UTP20: variants seen among roughly 807,000 people sequenced by gnomAD.
The protein encoded by UTP20 is small subunit processome component 20 homolog.
Under a neutral mutation model 329.5 loss-of-function variants are expected in UTP20, and 164 were observed. The ratio of observed to expected loss-of-function variants is 0.50; its 90% CI spans 0.44 to 0.57. UTP20 has a LOEUF of 0.57. Ranked by LOEUF, UTP20 falls within the 20% of genes least tolerant of loss-of-function variation. The pLI, the probability that UTP20 is intolerant of heterozygous loss-of-function variation, is 0.00. For synonymous variants in UTP20, 1,151 were observed against 1,159.3 expected (o/e 0.99, Z 0.14); for missense variants, 3,055 against 3,284.2 (o/e 0.93, Z 1.71).
intron 56 of UTP20, among the ~76,000 whole-genome samples, chr12:101,378,348 A>G (rs908129347): frequency 1.3e-5 from 2 of 149,610 alleles, no homozygotes; most frequent in African/African-American, 2.6e-5. Flanking sequence ...ATAGCTTTAC[A>G]GGCAGCTACT....
intron 16 of UTP20, 64 bp downstream of exon 16, chr12:101,306,129 T>G: frequency 6.8e-7 from 1 of 1,460,926 alleles, no homozygotes; most frequent in South Asian, 1.5e-5. Context: ...TGGACTGCAG[T>G]GGTTTTCAGA....
intron 11 of UTP20, among the ~76,000 whole-genome samples, chr12:101,294,541 C>CTTTTTTTTTTTTTT (rs1211436109): frequency 7.7e-6 from 1 of 129,300 alleles, no homozygotes; most frequent in African/African-American, 2.9e-5. Context: ...TCTCGTTTTT[C>CTTTTTTTTTTTTTT]TTTTTTTTTT....
chr12:101,354,839 T>C lies in UTP20; in HGVS notation c.5115T>C (p.Ile1705=). The change falls in exon 41 of 62, where the codon ATT becomes ATC. Residue 1705 remains isoleucine, a synonymous_variant. Transcript: ENST00000261637. ...MGKIENEENA[I]EAIELPEPEA... ...GTTGTTTATTAAACATAGACGCAATTGAAGCAATTGAGTTACCAGAGCCTG... is the reference window on the plus strand; with the variant it reads ...GTTGTTTATTAAACATAGACGCAATCGAAGCAATTGAGTTACCAGAGCCTG... 1 of 1,612,750 alleles carries C rather than the reference T, an allele frequency of 6.2e-7. No homozygotes were observed.
chr12:101,321,685 G>A (rs1158849548), intron 25 of UTP20, 56 bp downstream of exon 25: 1 of 1,583,014 alleles, frequency 6.3e-7, no homozygotes, highest in Non-Finnish European at 8.6e-7. Context: ...ACACAATTGT[G>A]AGTACAGTAT....
chr12:101,305,026 C>T (rs908812938), intron 15 of UTP20, among the ~76,000 whole-genome samples: 1 of 152,084 alleles, frequency 6.6e-6, no homozygotes, highest in Admixed American at 6.5e-5. Context: ...CTTTGGTCTC[C>T]GTTTTTTAGG....
At chr12:101,329,926 T>C (rs1301559053) in intron 27 of UTP20, among the ~76,000 whole-genome samples, 2 of 150,800 alleles carry the variant, frequency 1.3e-5, no homozygotes, top group Non-Finnish European at 3.0e-5. Flanking sequence ...TCCCAGGAGA[T>C]TGAGGCTGTA....
chr12:101,290,621 C>G (rs766133053), intron 7 of UTP20, 112 bp from the exon 8 acceptor site: 92 of 1,227,068 alleles, frequency 7.5e-5, no homozygotes, highest in Non-Finnish European at 1.0e-4. Context: ...ATATCCTTGA[C>G]TATTCCAGAC....
chr12:101,285,548 T>C (rs771866526), intron 2 of UTP20, 22 bp from the exon 3 acceptor site: 11 of 1,609,488 alleles, frequency 6.8e-6, no homozygotes, highest in Middle Eastern at 1.7e-4. Flanking sequence ...ATTTGATTAA[T>C]GGACTGCTTT....
Position 101,297,474 on chromosome 12 carries a change from CA to C in UTP20, c.1430+1819del, listed in dbSNP as rs1872393585. ...AAGTGATCTTCCTACCTTGGCCTCT[CA>C]AAGTGTTGGGGTTACAGGTTGAGCC... is the stretch of plus-strand genomic sequence containing the variant. On this transcript the variant is annotated intron_variant, in intron 12 of 61. Coordinates refer to ENST00000261637, the MANE Select transcript of UTP20 (RefSeq NM_014503.3). Among the ~76,000 whole-genome samples the C allele has an allele frequency of 2.0e-5, 3 of 152,182 alleles. No individual in the cohort carries two copies. The South Asian group carries it at 6.2e-4, about 32-fold the overall frequency.
At chr12:101,347,988 C>G (rs1335111954) in intron 38 of UTP20, among the ~76,000 whole-genome samples, 1 of 152,084 alleles carries the variant, frequency 6.6e-6, no homozygotes, top group Non-Finnish European at 1.5e-5. Context: ...GCCACCACAC[C>G]CAGCTAATTT....
intron 5 of UTP20, among the ~76,000 whole-genome samples, chr12:101,287,898 T>G (rs1436822379): frequency 2.6e-5 from 4 of 152,222 alleles, no homozygotes; most frequent in Non-Finnish European, 5.9e-5. Flanking sequence ...GGGAGAAGTT[T>G]TAGGTGGCCG....
In UTP20 at chr12:101,371,012, C is replaced by T. The variant is rs771911844; in HGVS notation, c.6688-46C>T. The T allele has an allele frequency of 4.5e-6, 7 of 1,557,964 alleles. No individual in the cohort carries two copies. The Admixed American group carries it at 1.0e-4, about 23-fold the overall frequency. On this transcript the variant is annotated intron_variant, in intron 50 of 61. Transcript: ENST00000261637. The stretch of plus-strand genomic sequence containing the variant: ...CGTCAAATCTGCTTCCACGCATCTG[C>T]AGCAAAACACATGAAATGAGTATGT...
chr12:101,314,770 C>T (rs1279527031), intron 21 of UTP20, among the ~76,000 whole-genome samples: 1 of 151,878 alleles, frequency 6.6e-6, no homozygotes, highest in Non-Finnish European at 1.5e-5. Context: ...AGGGAAATGC[C>T]GGGGCAGAGA....
chr12:101,321,454 A>G, intron 24 of UTP20, 50 bp from the exon 25 acceptor site: 1 of 1,604,440 alleles, frequency 6.2e-7, no homozygotes, highest in Non-Finnish European at 8.5e-7. Flanking sequence ...TTCATTATTC[A>G]AAAGCACTGT....
chr12:101,326,991 T>C, intron 25 of UTP20, 90 bp from the exon 26 acceptor site: 1 of 1,263,992 alleles, frequency 7.9e-7, no homozygotes, highest in Non-Finnish European at 1.1e-6. Context: ...TTTAAATCTA[T>C]TGAGTTGCTC....
intron 32 of UTP20, among the ~76,000 whole-genome samples, chr12:101,340,822 G>A (rs540050715): frequency 6.6e-6 from 1 of 151,884 alleles, no homozygotes; most frequent in South Asian, 2.1e-4. Flanking sequence ...CGGAGACATC[G>A]TCATCTACAA....
intron 27 of UTP20, among the ~76,000 whole-genome samples, chr12:101,332,525 A>AT (rs1443192058): frequency 1.3e-5 from 2 of 152,174 alleles, no homozygotes; most frequent in Non-Finnish European, 2.9e-5. Flanking sequence ...TTGGCTGCGT[A>AT]TTTGTGATTT....
chr12:101,355,079 G>T lies in UTP20; in HGVS notation c.5355G>T (p.Gly1785=), dbSNP rs200353337. Residue 1785 remains glycine (G), a synonymous_variant, in exon 41 of 62, where the codon GGG becomes GGT. Transcript: ENST00000261637. The part of the protein sequence containing the change: ...TIKNIQGTIT[G]DILPRLHKCL... The stretch of plus-strand genomic sequence containing the variant: ...AAAATATCCAAGGAACCATAACCGG[G>T]GATATTCTCCCCAGGCTACATAAAT... 271 of 1,613,898 alleles carry T rather than the reference G, an allele frequency of 1.7e-4. No individual in the cohort carries two copies. The highest frequency in any genetic ancestry group is 3.3e-4 in the Middle Eastern group (2 of 6,084).
chr12:101,291,695 T>C lies in UTP20; in HGVS notation c.892-47T>C, dbSNP rs779013037. 6 of 1,500,632 alleles carry C rather than the reference T, an allele frequency of 4.0e-6. No homozygotes were observed. In the South Asian group the frequency reaches 7.3e-5, roughly 18 times the overall value. 93.0% of individuals were successfully genotyped at this position (1,500,632 alleles called of 1,614,324 possible). A position where few individuals can be genotyped will look rare whatever the true frequency, so the allele number is the denominator to read the frequency against. On this transcript the variant is annotated intron_variant, in intron 8 of 61. Coordinates refer to ENST00000261637, the MANE Select transcript of UTP20 (RefSeq NM_014503.3). ...ACAGTTTTTATTGTTGGATTAACAG[T>C]TGAGTTTGATACTTTATATTCTCTC... is the stretch of plus-strand genomic sequence containing the variant.
Sources: gnomAD v4.1 joint callset for allele counts (sites outside exome capture counted in the v4.1 genomes callset) on GRCh38, gnomAD v4.1.1 for gene constraint, MANE v1.5 for transcripts, NCBI Gene and HGNC (gene_info 2026-07-23, HGNC 2026-07-21) for gene names.